Variants in UBR4 observed in about 807,000 individuals in gnomAD.
The protein encoded by UBR4 is E3 ubiquitin-protein ligase UBR4.
Under a neutral mutation model 575.6 loss-of-function variants are expected in UBR4, and 124 were observed. The observed-to-expected ratio is 0.22, with a 90% CI of 0.19 to 0.25. The LOEUF (loss-of-function observed/expected upper bound fraction) is 0.25, where lower values mean the gene tolerates loss of function less well. UBR4 is among the 10% of genes least tolerant of loss of function. The pLI is 1.00. For synonymous variants in UBR4, 2,455 were observed against 2,473.7 expected (o/e 0.99, Z 0.22); for missense variants, 4,818 against 6,478.8 (o/e 0.74, Z 8.80).
At chr1:19,106,761 G>C (rs752273336) in intron 82 of UBR4, 35 bp from the exon 83 acceptor site, 1 of 1,599,362 alleles carries the variant, frequency 6.3e-7, no homozygotes, top group South Asian at 1.1e-5. Flanking sequence ...TAGTAGGTAA[G>C]TAAATGAGAG....
rs550204096 is a variant in UBR4 at position 19,197,367 on chromosome 1, G to A, written c.894-102C>T. On this transcript the variant is annotated intron_variant, in intron 7 of 105. Coordinates refer to ENST00000375254, the MANE Select transcript of UBR4 (RefSeq NM_020765.3). ...GCATGGGCCCGGCACAGTGGCTCAC[G>A]CCTATAATTCCGACACTTCAGGAGG... The A allele has an allele frequency of 1.2e-5, 18 of 1,509,770 alleles. No individual in the cohort carries two copies. The East Asian group carries it at 1.6e-4, about 14-fold the overall frequency. The allele number at this position is 1,509,770 out of a possible 1,614,324, so 93.5% of individuals were successfully genotyped here.
intron 27 of UBR4, among the ~76,000 whole-genome samples, chr1:19,169,049 T>C (rs2089042964): frequency 6.6e-6 from 1 of 151,432 alleles, no homozygotes; most frequent in Non-Finnish European, 1.5e-5. Flanking sequence ...TGTAAAACTG[T>C]TACAAAAGGA....
intron 8 of UBR4, among the ~76,000 whole-genome samples, chr1:19,194,612 G>A (rs1312832791): frequency 5.3e-5 from 8 of 151,906 alleles, no homozygotes; most frequent in Non-Finnish European, 8.8e-5. Context: ...GACCAGCCTC[G>A]CCAACATGGT....
At position 19,153,555 on chromosome 1, in the gene UBR4, T is replaced by C. The variant is rs1462125690; in HGVS notation, c.6631-53A>G. Reference sequence around the variant, plus strand: ...TCGTTCCCACACCCACAGATCAGCATCCTCACAGAAAAAGAGGCAGAGATG... The same window carrying C: ...TCGTTCCCACACCCACAGATCAGCACCCTCACAGAAAAAGAGGCAGAGATG... On this transcript the variant is annotated intron_variant, in intron 45 of 105. Transcript: ENST00000375254. This position sits in a 1 kb window ranked among gnomAD's most constrained non-coding sequence, Gnocchi z 4.1. The C allele has an allele frequency of 1.3e-6, 2 of 1,598,446 alleles. No homozygotes were observed. The highest frequency in any genetic ancestry group is 8.6e-7 in the Non-Finnish European group (1 of 1,168,528).
intron 61 of UBR4, 73 bp from the exon 62 acceptor site, chr1:19,128,391 G>T: frequency 1.6e-6 from 2 of 1,283,682 alleles, no homozygotes; most frequent in Non-Finnish European, 2.3e-6. Context: ...GGGTGTTTCA[G>T]AAGAAATCCT....
chr1:19,127,557 G>T, intron 63 of UBR4, 66 bp downstream of exon 63: 1 of 1,238,250 alleles, frequency 8.1e-7, no homozygotes, highest in Non-Finnish European at 1.2e-6. Context: ...CCTCTGTGCT[G>T]GCCCTAGCAC....
At chr1:19,177,335 C>A (rs1283887312) in intron 19 of UBR4, 126 bp downstream of exon 19, 11 of 1,163,318 alleles carry the variant, frequency 9.5e-6, no homozygotes, top group African/African-American at 1.5e-5. Context: ...CCTAATCCTA[C>A]CCATCAACCT....
chr1:19,187,544 C>T lies in UBR4; in HGVS notation c.1395-4G>A, dbSNP rs2091663335. ...GAGTACCCCAAATCCCTGATGCCTA[C>T]ACAAAGAAAAAGGAAAACACAATCC... On this transcript the variant is annotated splice_region_variant and splice_polypyrimidine_tract_variant and intron_variant, in intron 11 of 105. Transcript: ENST00000375254. The T allele has an allele frequency of 6.2e-7, 1 of 1,612,024 alleles. No homozygotes were observed. The highest frequency in any genetic ancestry group is 1.3e-5 in the African/African-American group (1 of 74,798).
chr1:19,182,260 T>C (rs1209162522), intron 17 of UBR4, among the ~76,000 whole-genome samples: 2 of 152,222 alleles, frequency 1.3e-5, no homozygotes, highest in Admixed American at 6.5e-5. Context: ...GCTATGAACA[T>C]GGGTGGATAA....
At position 19,201,585 on chromosome 1, in the gene UBR4, C is replaced by T. The variant is rs2092744367; in HGVS notation, c.274+133G>A. 6 of 659,152 alleles carry T rather than the reference C, an allele frequency of 9.1e-6. No individual in the cohort carries two copies. In the South Asian group the frequency reaches 1.3e-4, roughly 14 times the overall value. The allele number at this position is 659,152 out of a possible 1,614,324, so 40.8% of individuals were successfully genotyped here. A position where few individuals can be genotyped will look rare whatever the true frequency, so the allele number is the denominator to read the frequency against. ...TCATCCTAGCTGACAGTTGTCTCTA[C>T]TCTTGGGTGAGCAGCTTAGGAGTGC... On this transcript the variant is annotated intron_variant, in intron 2 of 105. Transcript: ENST00000375254.
chr1:19,174,467 A>G lies in UBR4; in HGVS notation c.2854-20T>C. 1.2e-6 allele frequency: 2 copies of G among 1,603,990 alleles called. No individual in the cohort carries two copies. Among genetic ancestry groups the G allele is most frequent in the Non-Finnish European group, 1.7e-6 (2 of 1,179,526 alleles). On this transcript the variant is annotated intron_variant, in intron 21 of 105. Coordinates refer to ENST00000375254, the MANE Select transcript of UBR4 (RefSeq NM_020765.3). The stretch of plus-strand genomic sequence containing the variant: ...ACATGCCTGACATCAAGAAAGAAAG[A>G]GAGTCATTTCCTTACTTTTAAAGTA...
chr1:19,121,418 G>A lies in UBR4; in HGVS notation c.9912C>T (p.Leu3304=). The A allele has an allele frequency of 6.2e-7, 1 of 1,613,972 alleles. No homozygotes were observed. Among genetic ancestry groups the A allele is most frequent in the South Asian group, 1.1e-5 (1 of 91,066 alleles). Residue 3304 remains leucine, a synonymous_variant, in exon 68 of 106, where the codon CTC becomes CTT. Coordinates refer to ENST00000375254, the MANE Select transcript of UBR4 (RefSeq NM_020765.3). ...CIKDDSVLYF[L]LQVSFLVDEG... ...CATCCACAAGGAAACTGACTTGGAGGAGGAAGTACAGGACGGCTGCAAGCA... is the reference window on the plus strand; with the variant it reads ...CATCCACAAGGAAACTGACTTGGAGAAGGAAGTACAGGACGGCTGCAAGCA...
intron 85 of UBR4, 144 bp downstream of exon 85, chr1:19,104,904 T>C: frequency 7.5e-7 from 1 of 1,342,008 alleles, no homozygotes; most frequent in African/African-American, 1.5e-5. Flanking sequence ...ATAAATACAA[T>C]GAAGTCATAA....
At chr1:19,174,079 G>A (rs138223957) in intron 22 of UBR4, among the ~76,000 whole-genome samples, 6 of 150,516 alleles carry the variant, frequency 4.0e-5, no homozygotes, top group African/African-American at 1.2e-4. Flanking sequence ...ATAGCACTTG[G>A]GGGGGGACCA....
At chr1:19,140,290 T>C (rs964510581) in intron 58 of UBR4, among the ~76,000 whole-genome samples, 1 of 152,096 alleles carries the variant, frequency 6.6e-6, no homozygotes, top group African/African-American at 2.4e-5. Context: ...TGCTATAGAT[T>C]TTAATTGTCC....
chr1:19,140,722 C>T, intron 58 of UBR4, 66 bp downstream of exon 58: 1 of 1,485,472 alleles, frequency 6.7e-7, no homozygotes. Flanking sequence ...TACACTCTCA[C>T]AGCAGTGGAA....
intron 27 of UBR4, among the ~76,000 whole-genome samples, chr1:19,168,933 A>C (rs1421464728): frequency 6.7e-6 from 1 of 150,182 alleles, no homozygotes. Context: ...AGCCGAGATC[A>C]CGACACTGCA....
In UBR4 at chr1:19,121,449, G is replaced by C. The variant is rs1402448512; in HGVS notation, c.9896-15C>G. 6.2e-7 allele frequency: 1 copy of C among 1,609,246 alleles called. No individual in the cohort carries two copies. The highest frequency in any genetic ancestry group is 1.1e-5 in the South Asian group (1 of 90,716). ...GTACAGGACGGCTGCAAGCAGAGGA[G>C]ACAGAGGCTCACCTCTGAGACGACC... is the stretch of plus-strand genomic sequence containing the variant. On this transcript the variant is annotated splice_polypyrimidine_tract_variant and intron_variant, in intron 67 of 105. Coordinates refer to ENST00000375254, the MANE Select transcript of UBR4 (RefSeq NM_020765.3).
rs753167559 is a variant in UBR4 at position 19,150,696 on chromosome 1, T to C, written c.7311A>G (p.Pro2437=). The C allele has an allele frequency of 1.4e-5, 23 of 1,614,098 alleles. No homozygotes were observed. The highest frequency in any genetic ancestry group is 1.9e-5 in the Non-Finnish European group (22 of 1,180,008). The part of the protein sequence containing the change: ...KEQFGWPDEP[P]EEFPSASVSN... ...TGACAGAGGCAGAAGGGAATTCTTC[T>C]GGGGGCTCATCAGGCCAGCCAAACT... Residue 2437 remains proline (P), a synonymous_variant, in exon 49 of 106, where the codon CCA becomes CCG. Coordinates refer to ENST00000375254, the MANE Select transcript of UBR4 (RefSeq NM_020765.3).
Sources: gnomAD v4.1 joint callset for allele counts (sites outside exome capture counted in the v4.1 genomes callset) on GRCh38, gnomAD v4.1.1 for gene constraint, Gnocchi (gnomAD v3.1) non-coding constraint, MANE v1.5 for transcripts, NCBI Gene and HGNC (gene_info 2026-07-23, HGNC 2026-07-21) for gene names.